Variants in SYNE2 observed in about 807,000 individuals in gnomAD.
SYNE2 encodes spectrin repeat containing nuclear envelope protein 2.
A neutral mutation model predicts 856.3 loss-of-function variants in SYNE2; 431 were observed. The ratio of observed to expected loss-of-function variants is 0.50; its 90% CI spans 0.47 to 0.55. The LOEUF (loss-of-function observed/expected upper bound fraction) is 0.55. Ranked by LOEUF, SYNE2 falls within the 20% of genes least tolerant of loss-of-function variation. The probability of loss-of-function intolerance (pLI) is 0.00; values close to 1 mark genes in which losing one functional copy is unlikely to be tolerated. For missense variants in SYNE2, 8,129 were observed against 8,023.2 expected (o/e 1.01, Z -0.50); for synonymous variants, 2,923 against 2,872.3 (o/e 1.02, Z -0.56).
At chr14:63,780,296 G>A (rs528115364) in intron 1 of SYNE2, among the ~76,000 whole-genome samples, 34 of 152,278 alleles carry the variant, frequency 2.2e-4, no homozygotes, top group African/African-American at 7.7e-4. Context: ...CACTTTGGGA[G>A]GCCGAGGCGG....
At chr14:64,145,661 A>G (rs1163739676) in intron 83 of SYNE2, among the ~76,000 whole-genome samples, 1 of 152,202 alleles carries the variant, frequency 6.6e-6, no homozygotes, top group East Asian at 1.9e-4. Context: ...ATTTTATTGA[A>G]TTGATAAATT....
intron 1 of SYNE2, among the ~76,000 whole-genome samples, chr14:63,843,788 G>T (rs1385279861): frequency 1.3e-5 from 2 of 152,022 alleles, no homozygotes; most frequent in Admixed American, 1.3e-4. Flanking sequence ...TATATTAATG[G>T]TTTTCTTAAT....
chr14:63,924,834 GTTTTTTTTTTTTTT>G (rs1160819887), intron 2 of SYNE2, among the ~76,000 whole-genome samples: 4 of 56,416 alleles, frequency 7.1e-5, no homozygotes, highest in Non-Finnish European at 1.1e-4. Flanking sequence ...CAGCCTTGGT[GTTTTTTTTTTTTTT>G]TTTTTTTTTT....
intron 105 of SYNE2, 189 bp from the exon 106 acceptor site, chr14:64,214,004 GC>G: frequency 1.3e-6 from 1 of 758,000 alleles, no homozygotes. Context: ...CAGATTTTAG[GC>G]CCCACTCCAG....
chr14:64,224,923 A>G, intron 114 of SYNE2, 76 bp from the exon 115 acceptor site: 2 of 1,207,742 alleles, frequency 1.7e-6, no homozygotes, highest in South Asian at 2.5e-5. Flanking sequence ...AATTTAAGGG[A>G]GGATTTTTTT....
In SYNE2 at chr14:64,143,857, A is replaced by G; in HGVS notation, c.15392A>G (p.Glu5131Gly). 6.2e-7 allele frequency: 1 copy of G among 1,614,220 alleles called. No homozygotes were observed. Among genetic ancestry groups the G allele is most frequent in the South Asian group, 1.1e-5 (1 of 91,086 alleles). Residue 5131 changes from glutamate (E) to glycine (G), a missense_variant, in exon 83 of 116, where the codon GAA becomes GGA. Coordinates refer to ENST00000555002, the MANE Select transcript of SYNE2 (RefSeq NM_182914.3). The stretch of plus-strand genomic sequence containing the variant: ...CTTCAGCTAAGCACCTGTGATGTAG[A>G]AAGCAAGCGCTATGAAAGAACGGAG... ...SLLQLSTCDV[E>G]SKRYERTEFA...
At chr14:63,845,489 T>A (rs983754600) in intron 1 of SYNE2, among the ~76,000 whole-genome samples, 2 of 152,144 alleles carry the variant, frequency 1.3e-5, no homozygotes, top group Admixed American at 6.5e-5. Flanking sequence ...ATACTTCTCT[T>A]ATTTTTTAAA....
intron 96 of SYNE2, among the ~76,000 whole-genome samples, chr14:64,179,297 T>C (rs906336879): frequency 6.6e-6 from 1 of 152,140 alleles, no homozygotes; most frequent in Non-Finnish European, 1.5e-5. Context: ...CCATCAGGCC[T>C]GGCTAATTTT....
chr14:64,111,137 A>G (rs2097802904), intron 65 of SYNE2, among the ~76,000 whole-genome samples: 1 of 150,210 alleles, frequency 6.7e-6, no homozygotes, highest in Non-Finnish European at 1.5e-5. Context: ...AGGCCGAGGC[A>G]GGAGGATCAC....
chr14:63,864,948 A>T (rs2140249460), intron 1 of SYNE2, among the ~76,000 whole-genome samples: 1 of 152,012 alleles, frequency 6.6e-6, no homozygotes, highest in African/African-American at 2.4e-5. Flanking sequence ...GGTATAGTGT[A>T]GTGGTTAAAA....
chr14:63,773,134 A>G (rs1444462581), intron 1 of SYNE2, among the ~76,000 whole-genome samples: 3 of 150,734 alleles, frequency 2.0e-5, no homozygotes, highest in African/African-American at 7.4e-5. Flanking sequence ...TTATTCATAT[A>G]ATAAATTTTA....
intron 1 of SYNE2, among the ~76,000 whole-genome samples, chr14:63,870,167 C>T (rs1896505314): frequency 6.6e-6 from 1 of 152,176 alleles, no homozygotes; most frequent in Non-Finnish European, 1.5e-5. Flanking sequence ...ATCCAGCCTT[C>T]TCTCCCACCA....
chr14:64,054,928 A>G (rs1244404717), intron 48 of SYNE2, among the ~76,000 whole-genome samples: 4 of 152,226 alleles, frequency 2.6e-5, no homozygotes, highest in Admixed American at 6.5e-5. Flanking sequence ...TTATGAACCT[A>G]TATTCCTTAA....
chr14:63,805,656 A>G (rs1020838478), intron 1 of SYNE2, among the ~76,000 whole-genome samples: 2 of 151,970 alleles, frequency 1.3e-5, no homozygotes, highest in Non-Finnish European at 2.9e-5. Flanking sequence ...TACAAGCGTG[A>G]GCCACCGCGC....
chr14:64,143,626 G>T (rs2098158253), intron 82 of SYNE2, 146 bp from the exon 83 acceptor site: 1 of 807,052 alleles, frequency 1.2e-6, no homozygotes, highest in African/African-American at 1.7e-5. Context: ...TCCTGGTGTA[G>T]GTTGGGGAGG....
chr14:63,954,668 T>G (rs775097875), intron 7 of SYNE2, 51 bp from the exon 8 acceptor site: 123 of 1,476,036 alleles, frequency 8.3e-5, no homozygotes, highest in Non-Finnish European at 8.8e-5. Flanking sequence ...TGGAGGGGGG[T>G]GTTACGTTCT....
intron 17 of SYNE2, among the ~76,000 whole-genome samples, 178 bp downstream of exon 17, chr14:63,982,972 A>G (rs559980172): frequency 4.5e-4 from 68 of 152,052 alleles, no homozygotes; most frequent in Non-Finnish European, 7.8e-4. Context: ...GTCACTCCCT[A>G]TTTTCTTCCA....
At chr14:64,114,367 ACTTGT>A (rs1399032769) in intron 66 of SYNE2, among the ~76,000 whole-genome samples, 2 of 152,138 alleles carry the variant, frequency 1.3e-5, no homozygotes, top group Non-Finnish European at 2.9e-5. Flanking sequence ...AGGAGACCAG[ACTTGT>A]CTTTATCATA....
chr14:63,875,381 A>G (rs2094691420), intron 1 of SYNE2, among the ~76,000 whole-genome samples: 1 of 152,222 alleles, frequency 6.6e-6, no homozygotes, highest in Non-Finnish European at 1.5e-5. Flanking sequence ...AACAGTTGTG[A>G]GTAAAGGTGA....
Sources: allele counts gnomAD v4.1 joint callset (sites outside exome capture counted in the v4.1 genomes callset), GRCh38; gene constraint gnomAD v4.1.1; transcripts MANE v1.5; gene names NCBI Gene and HGNC (gene_info 2026-07-23, HGNC 2026-07-21).